The following TRIM42 variants were observed in gnomAD, a reference collection of about 807,000 sequenced individuals.
TRIM42 encodes the protein tripartite motif containing 42.
TRIM42 carries 59 observed loss-of-function variants against 64.9 expected under a neutral mutation model. The ratio of observed to expected loss-of-function variants is 0.91; its 90% CI spans 0.74 to 1.13. The LOEUF is 1.13. Among genes scored for constraint, TRIM42 ranks in the 50% most tolerant of loss-of-function variants. The pLI, the probability that TRIM42 is intolerant of heterozygous loss-of-function variation, is 0.00. For missense variants in TRIM42, 878 were observed against 929.5 expected (o/e 0.94, Z 0.72); for synonymous variants, 354 against 346.3 (o/e 1.02, Z -0.25).
chr3:140,679,877 C>T (rs1325996927), intron 1 of TRIM42, among the ~76,000 whole-genome samples: 1 of 151,080 alleles, frequency 6.6e-6, no homozygotes, highest in East Asian at 1.9e-4. Context: ...TGCCTGATCC[C>T]CACCCCCCCA....
rs1988584209 is a variant in TRIM42 at position 140,687,770 on chromosome 3, A to C, written c.1088A>C (p.Asn363Thr). ...CTAATGGAATTCAACATCTTAAAAA[A>C]CAGCTTTAAAGCTGACAAGGAGGCA... ...NDLMEFNILKNSFKADKEAKR... is the reference protein window; with the variant it reads ...NDLMEFNILKTSFKADKEAKR... The change falls in exon 3 of 5, where the codon AAC becomes ACC. Residue 363 changes from asparagine (N) to threonine (T), a missense_variant. Coordinates refer to ENST00000286349, the MANE Select transcript of TRIM42 (RefSeq NM_152616.5). 1 of 1,613,562 alleles carries C rather than the reference A, an allele frequency of 6.2e-7. No individual in the cohort carries two copies. Among genetic ancestry groups the C allele is most frequent in the South Asian group, 1.1e-5 (1 of 90,916 alleles).
chr3:140,681,930 C>T (rs1302999198), intron 1 of TRIM42, among the ~76,000 whole-genome samples: 2 of 151,040 alleles, frequency 1.3e-5, no homozygotes, highest in East Asian at 1.9e-4. Context: ...GGTCAGGGGC[C>T]GTTGGATCAT....
At chr3:140,687,353 G>A (rs1454986140) in intron 2 of TRIM42, among the ~76,000 whole-genome samples, 2 of 152,214 alleles carry the variant, frequency 1.3e-5, no homozygotes, top group Non-Finnish European at 2.9e-5. Context: ...ACAGGGAAAA[G>A]CAGGCACCAG....
chr3:140,694,629 G>T (rs2107766193), intron 4 of TRIM42, among the ~76,000 whole-genome samples: 1 of 152,298 alleles, frequency 6.6e-6, no homozygotes, highest in Middle Eastern at 3.4e-3. Context: ...TAACAAATTA[G>T]TAGTTTAAAT....
intron 4 of TRIM42, among the ~76,000 whole-genome samples, chr3:140,698,665 A>G (rs1988919344): frequency 6.6e-6 from 1 of 152,162 alleles, no homozygotes; most frequent in East Asian, 1.9e-4. Context: ...TTATTTTATT[A>G]TATTTTCTAA....
At chr3:140,690,170 C>T (rs1250186381) in intron 3 of TRIM42, among the ~76,000 whole-genome samples, 6 of 152,120 alleles carry the variant, frequency 3.9e-5, no homozygotes, top group African/African-American at 7.2e-5. Context: ...TTTATGTTAA[C>T]ATCACTCTCA....
At position 140,691,013 on chromosome 3, in the gene TRIM42, G is replaced by T. The variant is rs1320097417; in HGVS notation, c.1906G>T (p.Glu636Ter). 13 of 1,614,054 alleles carry T rather than the reference G, an allele frequency of 8.1e-6. No homozygotes were observed. Among genetic ancestry groups the T allele is most frequent in the Non-Finnish European group, 1.0e-5 (12 of 1,179,984 alleles). ...AGAAGACGTGGACTCTTTTGAGATGGAATTCTATGAAGTCATTACTTCTCC... is the reference window on the plus strand; with the variant it reads ...AGAAGACGTGGACTCTTTTGAGATGTAATTCTATGAAGTCATTACTTCTCC... The part of the protein sequence containing the change: ...PAEDVDSFEM[E>*]FYEVITSPPN... The change falls in exon 4 of 5, where the codon GAA becomes TAA. Residue 636 changes from glutamate to a stop codon, truncating the protein, a stop_gained. Coordinates refer to ENST00000286349, the MANE Select transcript of TRIM42 (RefSeq NM_152616.5). LOFTEE classifies it high-confidence loss of function.
At chr3:140,696,605 A>G (rs1205129055) in intron 4 of TRIM42, among the ~76,000 whole-genome samples, 2 of 152,240 alleles carry the variant, frequency 1.3e-5, no homozygotes, top group Non-Finnish European at 2.9e-5. Context: ...TAGTTTTTGC[A>G]CAGTTCTTGA....
chr3:140,687,837 CA>C lies in TRIM42; in HGVS notation c.1156del (p.Ile386PhefsTer13). The C allele has an allele frequency of 6.2e-7, 1 of 1,614,200 alleles. No homozygotes were observed. The highest frequency in any genetic ancestry group is 8.5e-7 in the Non-Finnish European group (1 of 1,180,034). On this transcript the variant is annotated frameshift_variant, in exon 3 of 5. Coordinates refer to ENST00000286349, the MANE Select transcript of TRIM42 (RefSeq NM_152616.5). LOFTEE classifies it high-confidence loss of function. ...GAAATGGCTTTCTCAAGTTGCGCAG[CA>C]TTCTTCAGGAGAAAGAGAAGATCAT... Reference protein sequence around the residue: ...IRNGFLKLRSILQEKEKIIME... With the variant: ...IRNGFLKLRSXLQEKEKIIME...
rs1210930631 is a variant in TRIM42, at chr3:140,682,878, C to T, written c.758C>T (p.Thr253Ile). 8.7e-6 allele frequency: 14 copies of T among 1,614,078 alleles called. No individual in the cohort carries two copies. The highest frequency in any genetic ancestry group is 1.3e-5 in the African/African-American group (1 of 74,940). The change falls in exon 2 of 5, where the codon ACC becomes ATC. Residue 253 changes from threonine (T) to isoleucine (I), a missense_variant. Coordinates refer to ENST00000286349, the MANE Select transcript of TRIM42 (RefSeq NM_152616.5). ...CGCATCGCTTACAAGCGCTGCATCACCTGCCGCCTCAACCTGTGCAACGAC... is the reference window on the plus strand; with the variant it reads ...CGCATCGCTTACAAGCGCTGCATCATCTGCCGCCTCAACCTGTGCAACGAC... Reference protein sequence around the residue: ...NKRIAYKRCITCRLNLCNDCL... With the variant: ...NKRIAYKRCIICRLNLCNDCL...
Position 140,683,114 on chromosome 3 carries a change from G to A in TRIM42, c.994G>A (p.Glu332Lys). 2 of 1,614,136 alleles carry A rather than the reference G, an allele frequency of 1.2e-6. No individual in the cohort carries two copies. Among genetic ancestry groups the A allele is most frequent in the Non-Finnish European group, 8.5e-7 (1 of 1,180,024 alleles). The part of the protein sequence containing the change: ...DTISLIDACS[E>K]RAASLFSAIA... ...CATTAGCCTCATCGACGCCTGCTCC[G>A]AGAGGGCCGCCTCACTCTTCAGCGC... is the stretch of plus-strand genomic sequence containing the variant. The change falls in exon 2 of 5, where the codon GAG becomes AAG. Residue 332 changes from glutamate (E) to lysine (K), a missense_variant. Glu to Lys is a moderately conservative substitution (Grantham distance 56). Transcript: ENST00000286349.
At chr3:140,696,198 T>C (rs1423599260) in intron 4 of TRIM42, among the ~76,000 whole-genome samples, 1 of 152,244 alleles carries the variant, frequency 6.6e-6, no homozygotes, top group Admixed American at 6.5e-5. Context: ...GTTTTATGTG[T>C]ATCTTTTTGT....
chr3:140,689,404 A>T (rs7634840), intron 3 of TRIM42, among the ~76,000 whole-genome samples: 2 of 152,116 alleles, frequency 1.3e-5, no homozygotes, highest in Admixed American at 6.6e-5. Context: ...ATCTGAGAAC[A>T]CTCCCAAAGA....
At chr3:140,697,651 G>T (rs1374237837) in intron 4 of TRIM42, among the ~76,000 whole-genome samples, 1 of 152,166 alleles carries the variant, frequency 6.6e-6, no homozygotes, top group African/African-American at 2.4e-5. Flanking sequence ...CAATGGAAAT[G>T]CCACTTTTGG....
Position 140,682,829 on chromosome 3 carries a change from C to T in TRIM42, c.709C>T (p.Leu237Phe). Reference sequence around the variant, plus strand: ...CTTTGACCGCTCCTCCGGGCCCATCCTCTGCCAGGTCTGCCGCAACAAGCG... The same window carrying T: ...CTTTGACCGCTCCTCCGGGCCCATCTTCTGCCAGGTCTGCCGCAACAAGCG... The part of the protein sequence containing the change: ...WRFDRSSGPI[L>F]CQVCRNKRIA... Residue 237 changes from leucine to phenylalanine, a missense_variant, in exon 2 of 5, where the codon CTC becomes TTC. By Grantham distance (22) the Leu-to-Phe change is conservative. Transcript: ENST00000286349. 3 of 1,614,164 alleles carry T rather than the reference C, an allele frequency of 1.9e-6. No individual in the cohort carries two copies. The highest frequency in any genetic ancestry group is 8.5e-7 in the Non-Finnish European group (1 of 1,180,040).
chr3:140,701,030 C>A lies in TRIM42; in HGVS notation c.*56C>A. Reference sequence around the variant, plus strand: ...TCATCACAAAGTAGACATATACACACACATATATGTATGTATATTTTTCTC... The same window carrying A: ...TCATCACAAAGTAGACATATACACAAACATATATGTATGTATATTTTTCTC... On this transcript the variant is annotated 3_prime_UTR_variant, in exon 5 of 5. Coordinates refer to ENST00000286349, the MANE Select transcript of TRIM42 (RefSeq NM_152616.5). 7.0e-7 allele frequency: 1 copy of A among 1,421,216 alleles called. No homozygotes were observed. Among genetic ancestry groups the A allele is most frequent in the Admixed American group, 1.8e-5 (1 of 55,934 alleles). The allele number at this position is 1,421,216 out of a possible 1,614,324, so 88.0% of individuals were successfully genotyped here.
At position 140,678,330 on chromosome 3, in the gene TRIM42, A is replaced by G. The variant is rs1241405423; in HGVS notation, c.101A>G (p.Glu34Gly). ...CLCCKFIFTS[E>G]RNCTCFPCPY... ...TGCTGCAAGTTCATCTTCACCTCAG[A>G]GCGGAACTGCACCTGCTTCCCCTGC... Residue 34 changes from glutamate (E) to glycine (G), a missense_variant, in exon 1 of 5, where the codon GAG becomes GGG. By Grantham distance (98) the Glu-to-Gly change is moderately conservative. Coordinates refer to ENST00000286349, the MANE Select transcript of TRIM42 (RefSeq NM_152616.5). 1 of 1,614,012 alleles carries G rather than the reference A, an allele frequency of 6.2e-7. No homozygotes were observed. Among genetic ancestry groups the G allele is most frequent in the Non-Finnish European group, 8.5e-7 (1 of 1,180,022 alleles).
chr3:140,683,071 C>T lies in TRIM42; in HGVS notation c.951C>T (p.Phe317=). The change falls in exon 2 of 5, where the codon TTC becomes TTT. Residue 317 remains phenylalanine (F), a synonymous_variant. Coordinates refer to ENST00000286349, the MANE Select transcript of TRIM42 (RefSeq NM_152616.5). ...TCTGCACCTTCTGCAAGTTCTCTTT[C>T]CACAATGGCCACGACACCATTAGCC... ...KLLCTFCKFS[F]HNGHDTISLI... is the part of the protein sequence containing the mutation. 1 of 1,614,236 alleles carries T rather than the reference C, an allele frequency of 6.2e-7. No individual in the cohort carries two copies. The highest frequency in any genetic ancestry group is 2.2e-5 in the East Asian group (1 of 44,892).
chr3:140,690,487 G>C (rs1026723270), intron 3 of TRIM42, among the ~76,000 whole-genome samples: 1 of 130,800 alleles, frequency 7.6e-6, no homozygotes, highest in African/African-American at 3.0e-5. Context: ...TACAACATAA[G>C]TAAAAGAAAA....
Sources: allele counts gnomAD v4.1 joint callset (sites outside exome capture counted in the v4.1 genomes callset), GRCh38; gene constraint gnomAD v4.1.1; transcripts MANE v1.5; gene names NCBI Gene and HGNC (gene_info 2026-07-23, HGNC 2026-07-21).